The following STK33 variants were observed in gnomAD, a reference collection of about 807,000 sequenced individuals.
STK33 encodes serine/threonine-protein kinase 33.
In STK33, 52 loss-of-function variants were observed where a neutral mutation model predicts 58.0. That is an observed-to-expected ratio of 0.90 (90% CI 0.72 to 1.13). The LOEUF is 1.13. Ranked by LOEUF, STK33 falls within the 50% of genes most tolerant of loss-of-function variation. The pLI is 0.00. For missense variants in STK33, 630 were observed against 604.2 expected (o/e 1.04, Z -0.45); for synonymous variants, 215 against 200.1 (o/e 1.07, Z -0.63).
intron 1 of STK33, among the ~76,000 whole-genome samples, chr11:8,515,507 A>G (rs1347544344): frequency 2.0e-5 from 3 of 152,210 alleles, no homozygotes; most frequent in Admixed American, 6.5e-5. Context: ...GCCCGATACC[A>G]AAGCCAGATA....
At chr11:8,339,970 C>A in the STK33 span, among the ~76,000 whole-genome samples, 1 of 152,238 alleles carries the variant, frequency 6.6e-6, no homozygotes. Context: ...TTGTGCAGAA[C>A]CCGAGGGCAC....
At chr11:8,397,421 C>T (rs951180256) in intron 15 of STK33, among the ~76,000 whole-genome samples, 3 of 152,194 alleles carry the variant, frequency 2.0e-5, no homozygotes, top group Admixed American at 1.3e-4. Context: ...AGAATAAAAA[C>T]TAACAAACAG....
intron 9 of STK33, among the ~76,000 whole-genome samples, chr11:8,456,887 T>C (rs1404479179): frequency 1.3e-5 from 2 of 152,136 alleles, no homozygotes; most frequent in South Asian, 2.1e-4. Flanking sequence ...GTGGGGGATT[T>C]TGACAGTGGG....
intron 12 of STK33, among the ~76,000 whole-genome samples, chr11:8,438,357 T>C (rs1944331640): frequency 6.6e-6 from 1 of 152,192 alleles, no homozygotes; most frequent in African/African-American, 2.4e-5. Flanking sequence ...GGACAAAAAC[T>C]ACAAAGAATA....
At chr11:8,409,597 T>C (rs1476326222) in intron 15 of STK33, among the ~76,000 whole-genome samples, 1 of 152,150 alleles carries the variant, frequency 6.6e-6, no homozygotes, top group Non-Finnish European at 1.5e-5. Context: ...CTTAAGTAAC[T>C]CACCAAACTC....
At chr11:8,342,204 A>G in the STK33 span, among the ~76,000 whole-genome samples, 1 of 152,078 alleles carries the variant, frequency 6.6e-6, no homozygotes, top group Non-Finnish European at 1.5e-5. Flanking sequence ...AGCAGCTAAA[A>G]CTCTGGGGGT....
chr11:8,461,666 T>C, intron 8 of STK33, 139 bp downstream of exon 8: 1 of 503,988 alleles, frequency 2.0e-6, no homozygotes, highest in Non-Finnish European at 3.4e-6. Context: ...TCCTCCAGAA[T>C]GTTCTCATCA....
At position 8,413,486 on chromosome 11, in the gene STK33, T is replaced by C. The variant is rs1286050180; in HGVS notation, c.1344+9A>G. On this transcript the variant is annotated intron_variant, in intron 15 of 15. Coordinates refer to ENST00000687296, the MANE Select transcript of STK33 (RefSeq NM_001352389.2). Reference sequence around the variant, plus strand: ...CACTTGGGAGAAATGCAGCAATGATTCTTCCTACCTGTTTTTCCTCCTCTT... The same window carrying C: ...CACTTGGGAGAAATGCAGCAATGATCCTTCCTACCTGTTTTTCCTCCTCTT... 6.2e-7 allele frequency: 1 copy of C among 1,613,584 alleles called. No individual in the cohort carries two copies. Among genetic ancestry groups the C allele is most frequent in the South Asian group, 1.1e-5 (1 of 91,042 alleles).
chr11:8,357,203 C>T, the STK33 span, among the ~76,000 whole-genome samples: 1 of 152,242 alleles, frequency 6.6e-6, no homozygotes, highest in African/African-American at 2.4e-5. Flanking sequence ...AATTCGTCCT[C>T]TTGCCCTCAA....
At position 8,435,555 on chromosome 11, in the gene STK33, A is replaced by C. The variant is rs761132241; in HGVS notation, c.1085T>G (p.Met362Arg). ...GATTCTGTGAGCAGGATCTACTTTC[A>C]TAAGTTGTTTCAAAACACTTTTAGC... ...DCAKSVLKQLMKVDPAHRITA... is the reference protein window; with the variant it reads ...DCAKSVLKQLRKVDPAHRITA... Residue 362 changes from methionine (M) to arginine (R), a missense_variant, in exon 14 of 16, where the codon ATG (methionine) becomes AGG (arginine). Coordinates refer to ENST00000687296, the MANE Select transcript of STK33 (RefSeq NM_001352389.2). The C allele has an allele frequency of 2.7e-6, 4 of 1,506,086 alleles. No individual in the cohort carries two copies. The highest frequency in any genetic ancestry group is 3.6e-6 in the Non-Finnish European group (4 of 1,117,752). 93.3% of individuals were successfully genotyped at this position (1,506,086 alleles called of 1,614,324 possible). A position where few individuals can be genotyped will look rare whatever the true frequency, so the allele number is the denominator to read the frequency against.
At chr11:8,565,334 T>C (rs995180706) in intron 1 of STK33, among the ~76,000 whole-genome samples, 1 of 152,228 alleles carries the variant, frequency 6.6e-6, no homozygotes, top group Admixed American at 6.5e-5. Flanking sequence ...TCTGCTTTTG[T>C]TGTAATTGGG....
downstream of STK33, among the ~76,000 whole-genome samples, chr11:8,390,883 CA>C (rs549047208): frequency 1.5e-3 from 226 of 152,234 alleles, no homozygotes; most frequent in African/African-American, 5.3e-3. Context: ...CTTCTAATCC[CA>C]AAAGAATATC....
the STK33 span, among the ~76,000 whole-genome samples, chr11:8,339,467 G>A: frequency 1.3e-5 from 2 of 152,336 alleles, no homozygotes; most frequent in South Asian, 4.1e-4. Flanking sequence ...TTTTCAAAGG[G>A]AAACTTGGCT....
chr11:8,575,689 T>C (rs980538772), intron 1 of STK33, among the ~76,000 whole-genome samples: 4 of 152,232 alleles, frequency 2.6e-5, no homozygotes, highest in South Asian at 4.1e-4. Context: ...TGCCACTGAA[T>C]TGTATACTTA....
At chr11:8,523,727 C>A (rs894510494) in intron 1 of STK33, among the ~76,000 whole-genome samples, 1 of 150,068 alleles carries the variant, frequency 6.7e-6, no homozygotes, top group African/African-American at 2.5e-5. Context: ...CAGCCACCGC[C>A]CCGTCTGGGA....
chr11:8,447,055 T>G (rs551586539), intron 11 of STK33, among the ~76,000 whole-genome samples: 1 of 152,186 alleles, frequency 6.6e-6, no homozygotes, highest in South Asian at 2.1e-4. Flanking sequence ...GAGAAAGTTT[T>G]TGCAATCTTT....
intron 1 of STK33, among the ~76,000 whole-genome samples, chr11:8,515,093 C>T (rs1475199440): frequency 6.6e-6 from 1 of 151,692 alleles, no homozygotes; most frequent in African/African-American, 2.4e-5. Flanking sequence ...TAAAATGCAT[C>T]CAGATTAAAT....
Position 8,452,801 on chromosome 11 carries a change from A to T in STK33, c.871+21T>A, listed in dbSNP as rs1005408687. The T allele has an allele frequency of 2.5e-6, 4 of 1,607,216 alleles. No homozygotes were observed. The African/African-American group carries it at 5.4e-5, about 22-fold the overall frequency. ...TGATCCTGTCTCAAAACAAAAATTA[A>T]TTTTAAGTCTACTAACTTACCCATA... On this transcript the variant is annotated intron_variant, in intron 11 of 15. Transcript: ENST00000687296.
chr11:8,364,483 T>C, the STK33 span, among the ~76,000 whole-genome samples: 1 of 152,190 alleles, frequency 6.6e-6, no homozygotes, highest in Non-Finnish European at 1.5e-5. Flanking sequence ...GAAAGAGTGA[T>C]GTGATTGGTC....
Sources: gnomAD v4.1 joint callset for allele counts (sites outside exome capture counted in the v4.1 genomes callset) on GRCh38, gnomAD v4.1.1 for gene constraint, MANE v1.5 for transcripts, NCBI Gene and HGNC (gene_info 2026-07-23, HGNC 2026-07-21) for gene names.